GRM8: variants seen among roughly 807,000 people sequenced by gnomAD.
GRM8 encodes the protein metabotropic glutamate receptor 8.
GRM8 carries 47 observed loss-of-function variants against 87.2 expected under a neutral mutation model. The observed-to-expected ratio is 0.54, with a 90% CI of 0.43 to 0.69. The LOEUF is 0.69. GRM8 is among the 30% of genes least tolerant of loss of function. The pLI is 0.00. For synonymous variants in GRM8, 396 were observed against 404.5 expected, an observed-to-expected ratio of 0.98 and a Z score of 0.25; for missense variants, 1,019 against 1,139.2, an observed-to-expected ratio of 0.89 and a Z score of 1.52.
chr7:126,904,352 TTCTG>T (rs1191838992), intron 4 of GRM8, among the ~76,000 whole-genome samples, 192 bp downstream of exon 4: 5 of 152,320 alleles, frequency 3.3e-5, no homozygotes, highest in Admixed American at 1.3e-4. Context: ...ATTCACATCA[TTCTG>T]TCTATCACCT....
intron 2 of GRM8, among the ~76,000 whole-genome samples, chr7:127,241,414 T>C (rs1798286054): frequency 6.6e-6 from 1 of 151,678 alleles, no homozygotes; most frequent in South Asian, 2.1e-4. Flanking sequence ...CTAAATCTAA[T>C]GTGCATAGGA....
intron 8 of GRM8, among the ~76,000 whole-genome samples, chr7:126,544,716 G>A (rs1290604418): frequency 6.6e-6 from 1 of 151,932 alleles, no homozygotes; most frequent in Non-Finnish European, 1.5e-5. Context: ...CACCATATTG[G>A]TCAGGCTGGT....
intron 2 of GRM8, among the ~76,000 whole-genome samples, chr7:127,232,460 A>G (rs376052081): frequency 1.3e-5 from 2 of 152,130 alleles, no homozygotes; most frequent in South Asian, 2.1e-4. Context: ...CAGATGCCCA[A>G]GCTGGTCTTG....
At chr7:126,741,834 C>T (rs1815041157) in intron 7 of GRM8, among the ~76,000 whole-genome samples, 1 of 152,024 alleles carries the variant, frequency 6.6e-6, no homozygotes, top group African/African-American at 2.4e-5. Flanking sequence ...AATCCCAATG[C>T]TGTCACCTAC....
At chr7:126,688,378 G>C (rs990380355) in intron 7 of GRM8, among the ~76,000 whole-genome samples, 4 of 152,190 alleles carry the variant, frequency 2.6e-5, no homozygotes, top group African/African-American at 9.7e-5. Context: ...ATGCAGCTGA[G>C]TGAGAGAGCA....
chr7:126,745,270 T>A (rs1292358796), intron 7 of GRM8, among the ~76,000 whole-genome samples: 1 of 151,734 alleles, frequency 6.6e-6, no homozygotes, highest in Admixed American at 6.6e-5. Flanking sequence ...ATGATCTTCA[T>A]GTCATTTATT....
intron 3 of GRM8, among the ~76,000 whole-genome samples, chr7:127,063,450 C>T (rs1394675196): frequency 6.6e-6 from 1 of 152,118 alleles, no homozygotes; most frequent in Non-Finnish European, 1.5e-5. Context: ...GTGGCAGGCA[C>T]CTGTAATTCC....
At chr7:126,595,706 T>A (rs1047906703) in intron 8 of GRM8, among the ~76,000 whole-genome samples, 2 of 152,132 alleles carry the variant, frequency 1.3e-5, no homozygotes, top group African/African-American at 4.8e-5. Flanking sequence ...TATGGCCATG[T>A]AGTATTCCAT....
chr7:126,995,961 A>T (rs1307332593), intron 3 of GRM8, among the ~76,000 whole-genome samples: 1 of 152,116 alleles, frequency 6.6e-6, no homozygotes, highest in Admixed American at 6.6e-5. Context: ...CAGCAAGAGA[A>T]AAAAAACACA....
At position 127,114,807 on chromosome 7, in the gene GRM8, T is replaced by G. The variant is rs566325020; in HGVS notation, c.511-8095A>C. ...TTCATTTGAATAGACCATTGAATTG[T>G]AAAAGGGTACATTTTCTCACCTCCT... is the stretch of plus-strand genomic sequence containing the variant. On this transcript the variant is annotated intron_variant, in intron 2 of 10. Transcript: ENST00000339582. Among the ~76,000 whole-genome samples, 3 of 152,330 alleles carry G rather than the reference T, an allele frequency of 2.0e-5. No individual in the cohort carries two copies. In the South Asian group the frequency reaches 6.2e-4, roughly 32 times the overall value.
At chr7:127,135,418 T>C (rs537233963) in intron 2 of GRM8, among the ~76,000 whole-genome samples, 45 of 152,094 alleles carry the variant, frequency 3.0e-4, no homozygotes, top group African/African-American at 1.1e-3. Flanking sequence ...AGAACTACAA[T>C]TTAAAATATT....
Position 126,691,034 on chromosome 7 carries a change from C to T in GRM8, c.1357+78831G>A, listed in dbSNP as rs561148716. ...AACTGGCCTGAAGGCGGGGTTTCAC[C>T]GGGGAACTGCCCCTTTCCACCCAGG... On this transcript the variant is annotated intron_variant, in intron 7 of 10. Coordinates refer to ENST00000339582, the MANE Select transcript of GRM8 (RefSeq NM_000845.3). Among the ~76,000 whole-genome samples, 9 of 152,320 alleles carry T rather than the reference C, an allele frequency of 5.9e-5. No individual in the cohort carries two copies. In the East Asian group the frequency reaches 1.4e-3, roughly 23 times the overall value.
chr7:127,111,117 C>G (rs1280082503), intron 2 of GRM8: 1 of 152,182 alleles, frequency 6.6e-6, no homozygotes, highest in Admixed American at 6.5e-5. Context: ...GTAGGAGGCA[C>G]AGGTTCAAGC....
chr7:126,957,807 A>G (rs1399775316), intron 3 of GRM8, among the ~76,000 whole-genome samples: 3 of 152,182 alleles, frequency 2.0e-5, no homozygotes, highest in Admixed American at 2.0e-4. Context: ...GGCTGAGAGC[A>G]GAAAGGGGTG....
chr7:126,741,727 T>G (rs1293527614), intron 7 of GRM8, among the ~76,000 whole-genome samples: 1 of 152,146 alleles, frequency 6.6e-6, no homozygotes, highest in Non-Finnish European at 1.5e-5. Flanking sequence ...TTAATCTCCC[T>G]GAGCCTTCGT....
chr7:127,151,356 AC>A (rs1224530702), intron 2 of GRM8, among the ~76,000 whole-genome samples: 3 of 152,010 alleles, frequency 2.0e-5, no homozygotes, highest in African/African-American at 7.2e-5. Context: ...CAAATCTCCC[AC>A]TAGCAAAAAG....
chr7:126,785,408 A>G (rs1820521628), intron 6 of GRM8, among the ~76,000 whole-genome samples: 1 of 152,080 alleles, frequency 6.6e-6, no homozygotes, highest in South Asian at 2.1e-4. Context: ...GGCAGACACC[A>G]TTAGTTGTAC....
intron 3 of GRM8, among the ~76,000 whole-genome samples, chr7:127,101,130 C>T (rs1038550609): frequency 6.6e-6 from 1 of 152,126 alleles, no homozygotes; most frequent in African/African-American, 2.4e-5. Flanking sequence ...TAATTTCTTT[C>T]ATACCCTCAA....
At chr7:126,665,117 T>C (rs760885791) in intron 7 of GRM8, among the ~76,000 whole-genome samples, 2 of 152,070 alleles carry the variant, frequency 1.3e-5, no homozygotes, top group Non-Finnish European at 2.9e-5. Flanking sequence ...AAATAACAGA[T>C]GTTGGTAAGG....
Sources: gnomAD v4.1 joint callset for allele counts (sites outside exome capture counted in the v4.1 genomes callset) on GRCh38, gnomAD v4.1.1 for gene constraint, MANE v1.5 for transcripts, NCBI Gene and HGNC (gene_info 2026-07-23, HGNC 2026-07-21) for gene names.